Variants in L3MBTL3 observed in about 807,000 individuals in gnomAD.
The protein encoded by L3MBTL3 is lethal(3)malignant brain tumor-like protein 3.
A neutral mutation model predicts 102.3 loss-of-function variants in L3MBTL3; 27 were observed. That is an observed-to-expected ratio of 0.26 (90% confidence interval 0.19 to 0.36). L3MBTL3 has a LOEUF of 0.36. Among genes scored for constraint, L3MBTL3 ranks in the 10% least tolerant of loss-of-function variants. The probability of loss-of-function intolerance (pLI) is 1.00; values close to 1 mark genes in which losing one functional copy is unlikely to be tolerated. For synonymous variants in L3MBTL3, 340 were observed against 320.9 expected, an observed-to-expected ratio of 1.06 and a Z score of -0.64; for missense variants, 798 against 955.3, an observed-to-expected ratio of 0.84 and a Z score of 2.17.
intron 2 of L3MBTL3, among the ~76,000 whole-genome samples, chr6:130,037,989 C>T (rs955052685): frequency 6.6e-6 from 1 of 151,742 alleles, no homozygotes; most frequent in African/African-American, 2.4e-5. Flanking sequence ...TTCTATGAGA[C>T]TTTTTTAGCT....
intron 22 of L3MBTL3, 144 bp from the exon 23 acceptor site, chr6:130,139,466 C>T: frequency 1.4e-6 from 1 of 698,348 alleles, no homozygotes; most frequent in East Asian, 2.6e-5. Context: ...GTCCATATAT[C>T]AAGAAATGTC....
chr6:130,057,298 C>A, intron 8 of L3MBTL3, 108 bp from the exon 9 acceptor site: 2 of 825,984 alleles, frequency 2.4e-6, no homozygotes, highest in Non-Finnish European at 4.1e-6. Flanking sequence ...TCCTGGAAGT[C>A]AGAGAAGAGC....
intron 15 of L3MBTL3, among the ~76,000 whole-genome samples, chr6:130,083,940 A>G (rs77934574): frequency 0.016 from 2,476 of 152,256 alleles, 63 homozygotes; most frequent in African/African-American, 0.056. Context: ...TTGGAAAATA[A>G]TTCTGCTTGA....
At chr6:130,108,795 T>A (rs1582587646) in intron 19 of L3MBTL3, among the ~76,000 whole-genome samples, 1 of 152,224 alleles carries the variant, frequency 6.6e-6, no homozygotes, top group East Asian at 1.9e-4. Context: ...TATCAACCTA[T>A]CTCCTAAGTT....
chr6:130,025,332 T>G (rs2114479423), intron 2 of L3MBTL3, among the ~76,000 whole-genome samples: 1 of 152,346 alleles, frequency 6.6e-6, no homozygotes, highest in Non-Finnish European at 1.5e-5. Flanking sequence ...AACAGGAATA[T>G]TCTCAGATTA....
intron 16 of L3MBTL3, among the ~76,000 whole-genome samples, chr6:130,089,244 G>A (rs1371111941): frequency 6.8e-6 from 1 of 147,584 alleles, no homozygotes; most frequent in African/African-American, 2.5e-5. Flanking sequence ...AGGCCCCAGT[G>A]TGTGATGTTC....
intron 2 of L3MBTL3, among the ~76,000 whole-genome samples, chr6:130,023,932 A>G (rs888733169): frequency 3.3e-5 from 5 of 152,216 alleles, no homozygotes; most frequent in African/African-American, 9.6e-5. Context: ...GGAAGAGACC[A>G]TGCTCTAACA....
rs1474609397 is a variant in L3MBTL3, at chr6:130,049,262, T to TC, written c.103-20_103-19insC. 6 of 1,369,398 alleles carry TC rather than the reference T, an allele frequency of 4.4e-6. 1 individual carries two copies. In the South Asian group the frequency reaches 6.0e-5, roughly 14 times the overall value. 84.8% of individuals were successfully genotyped at this position (1,369,398 alleles called of 1,614,324 possible). A position where few individuals can be genotyped will look rare whatever the true frequency, so the allele number is the denominator to read the frequency against. The stretch of plus-strand genomic sequence containing the variant: ...CCTGAGCACTTTTTAAATTTTGCCT[T>TC]TCTGCTGTGTTGTTGCTAGTTTCGG... On this transcript the variant is annotated intron_variant, in intron 3 of 22. Transcript: ENST00000361794.
At chr6:130,060,500 C>G (rs1286679811) in intron 10 of L3MBTL3, among the ~76,000 whole-genome samples, 1 of 151,316 alleles carries the variant, frequency 6.6e-6, no homozygotes, top group Non-Finnish European at 1.5e-5. Flanking sequence ...CAAGGTATCT[C>G]TGTGAAATTT....
At chr6:130,079,717 A>G (rs1034291810) in intron 14 of L3MBTL3, among the ~76,000 whole-genome samples, 2 of 152,152 alleles carry the variant, frequency 1.3e-5, no homozygotes, top group East Asian at 1.9e-4. Flanking sequence ...GAGAGCTTCA[A>G]ATTCTATTGG....
At chr6:130,086,859 A>AT (rs1461652291) in intron 16 of L3MBTL3, among the ~76,000 whole-genome samples, 1 of 152,202 alleles carries the variant, frequency 6.6e-6, no homozygotes, top group Non-Finnish European at 1.5e-5. Flanking sequence ...GACCAAAACA[A>AT]TGCCTGTTCT....
chr6:130,073,132 G>T (rs186024563), intron 13 of L3MBTL3, among the ~76,000 whole-genome samples: 2 of 152,240 alleles, frequency 1.3e-5, no homozygotes, highest in African/African-American at 4.8e-5. Context: ...TGTTGGGCCT[G>T]CATGGTGGCT....
At chr6:130,084,833 CT>C (rs1300388247) in intron 15 of L3MBTL3, among the ~76,000 whole-genome samples, 2 of 152,016 alleles carry the variant, frequency 1.3e-5, no homozygotes, top group Non-Finnish European at 2.9e-5. Context: ...CATGGCAACC[CT>C]TTTTTTGTTG....
Position 130,133,022 on chromosome 6 carries a change from A to T in L3MBTL3, c.1967-430A>T, listed in dbSNP as rs1787232772. Among the ~76,000 whole-genome samples, 1 of 152,218 alleles carries T rather than the reference A, an allele frequency of 6.6e-6. No homozygotes were observed. The highest frequency in any genetic ancestry group is 1.5e-5 in the Non-Finnish European group (1 of 68,038). ...CCTGAGACAAAAGGAGAGAGAAAGT[A>T]TGCCAACTGTGAATACATGGTAAGC... is the stretch of plus-strand genomic sequence containing the variant. On this transcript the variant is annotated intron_variant, in intron 20 of 22. Transcript: ENST00000361794. This position sits in a 1 kb window ranked among gnomAD's most constrained non-coding sequence, Gnocchi z 4.9.
At chr6:130,030,880 T>TA (rs11390217) in intron 2 of L3MBTL3, among the ~76,000 whole-genome samples, 111,106 of 151,804 alleles carry the variant, frequency 0.73, 40,895 homozygotes, top group East Asian at 0.93. Flanking sequence ...AAAAAGTAGT[T>TA]TGAGGGTCAA....
At position 130,139,739 on chromosome 6, in the gene L3MBTL3, C is replaced by T; in HGVS notation, c.2329C>T (p.His777Tyr). Reference sequence around the variant, plus strand: ...GTTCAAAGCTGCAGAGAAGAATTCTCACAATGAACTTTGAAGATGGTGAAT... The same window carrying T: ...GTTCAAAGCTGCAGAGAAGAATTCTTACAATGAACTTTGAAGATGGTGAAT... ...LMFKAAEKNS[H>Y]NEL is the part of the protein sequence containing the mutation. The change falls in exon 23 of 23, where the codon CAC becomes TAC. Residue 777 changes from histidine (H) to tyrosine (Y), a missense_variant. By Grantham distance (83) the His-to-Tyr change is moderately conservative (BLOSUM62 2). Transcript: ENST00000361794. The T allele has an allele frequency of 1.2e-6, 2 of 1,613,148 alleles. No homozygotes were observed. The highest frequency in any genetic ancestry group is 8.5e-7 in the Non-Finnish European group (1 of 1,179,672).
chr6:130,065,707 G>C (rs1035677575), intron 10 of L3MBTL3, among the ~76,000 whole-genome samples: 1 of 152,072 alleles, frequency 6.6e-6, no homozygotes, highest in African/African-American at 2.4e-5. Context: ...TCCAGGGCAG[G>C]GTATGATCCA....
At chr6:130,137,721 A>G (rs1300998868) in intron 22 of L3MBTL3, 2 of 152,198 alleles carry the variant, frequency 1.3e-5, no homozygotes, top group Non-Finnish European at 2.9e-5. Flanking sequence ...GTAATAAACC[A>G]GTCAGCCTTT....
At chr6:130,108,948 C>T (rs949066120) in intron 19 of L3MBTL3, among the ~76,000 whole-genome samples, 9 of 152,004 alleles carry the variant, frequency 5.9e-5, no homozygotes, top group African/African-American at 1.9e-4. Context: ...TGAGTGAGAA[C>T]GTGTGGTGTT....
Sources: gnomAD v4.1 joint callset for allele counts (sites outside exome capture counted in the v4.1 genomes callset) on GRCh38, gnomAD v4.1.1 for gene constraint, Gnocchi (gnomAD v3.1) non-coding constraint, MANE v1.5 for transcripts, NCBI Gene and HGNC (gene_info 2026-07-23, HGNC 2026-07-21) for gene names.